The following ZNF638 variants were observed in gnomAD, a reference collection of about 807,000 sequenced individuals.
The protein encoded by ZNF638 is CTCL tumor antigen se33-1.
In ZNF638, 46 loss-of-function variants were observed where a neutral mutation model predicts 195.6. That is an observed-to-expected ratio of 0.24 (90% CI 0.19 to 0.30). The LOEUF (loss-of-function observed/expected upper bound fraction) is 0.30. Ranked by LOEUF, ZNF638 falls within the 10% of genes least tolerant of loss-of-function variation. The pLI is 1.00. For missense variants in ZNF638, 2,440 were observed against 2,325.3 expected, an observed-to-expected ratio of 1.05 and a Z score of -1.01; for synonymous variants, 845 against 772.0, an observed-to-expected ratio of 1.09 and a Z score of -1.57.
chr2:71,364,299 T>G (rs757996485), intron 5 of ZNF638, 47 bp downstream of exon 5: 1 of 1,527,884 alleles, frequency 6.5e-7, no homozygotes, highest in Admixed American at 2.1e-5. Flanking sequence ...TTTGACTAAA[T>G]TTTTAAATGT....
chr2:71,335,358 A>T (rs1401063911), intron 1 of ZNF638, among the ~76,000 whole-genome samples: 2 of 152,148 alleles, frequency 1.3e-5, no homozygotes. Context: ...CTTCATGGTT[A>T]CCCTAAGGAA....
chr2:71,373,086 A>C (rs1353621321), intron 8 of ZNF638, among the ~76,000 whole-genome samples: 1 of 152,208 alleles, frequency 6.6e-6, no homozygotes, highest in African/African-American at 2.4e-5. Context: ...AAGATTGCTC[A>C]CTAAATAACT....
intron 19 of ZNF638, 138 bp downstream of exon 19, chr2:71,406,400 A>G: frequency 1.3e-6 from 1 of 758,582 alleles, no homozygotes; most frequent in Non-Finnish European, 2.1e-6. Context: ...TATAAACCAG[A>G]ATATTTTATT....
intron 10 of ZNF638, chr2:71,395,569 A>T (rs1487551113): frequency 1.3e-5 from 8 of 597,910 alleles, no homozygotes; most frequent in Non-Finnish European, 2.4e-5. Context: ...ACCTTTGATC[A>T]TCCTATTGCG....
chr2:71,392,671 G>C (rs532061847), intron 10 of ZNF638, among the ~76,000 whole-genome samples: 4 of 152,178 alleles, frequency 2.6e-5, no homozygotes, highest in African/African-American at 9.6e-5. Flanking sequence ...GCTTGACCAA[G>C]CCACCCAGTC....
chr2:71,390,443 G>T (rs2079749153), intron 10 of ZNF638, among the ~76,000 whole-genome samples: 1 of 152,196 alleles, frequency 6.6e-6, no homozygotes, highest in Admixed American at 6.5e-5. Flanking sequence ...AGCCTATCCA[G>T]CAAAGGAATT....
intron 1 of ZNF638, among the ~76,000 whole-genome samples, chr2:71,345,975 A>C (rs1017649883): frequency 6.6e-6 from 1 of 152,222 alleles, no homozygotes; most frequent in Non-Finnish European, 1.5e-5. Context: ...TTAACCTTCT[A>C]TAAATGTGTA....
intron 3 of ZNF638, among the ~76,000 whole-genome samples, chr2:71,360,622 A>T: frequency 6.7e-6 from 1 of 149,566 alleles, no homozygotes; most frequent in South Asian, 2.1e-4. Flanking sequence ...TGTGGTGTTG[A>T]TTTTTTCCTT....
In ZNF638 at chr2:71,424,032, C is replaced by T; in HGVS notation, c.4518C>T (p.Asn1506=). The T allele has an allele frequency of 6.2e-7, 1 of 1,612,896 alleles. No individual in the cohort carries two copies. Among genetic ancestry groups the T allele is most frequent in the South Asian group, 1.1e-5 (1 of 90,934 alleles). Residue 1506 remains asparagine, a synonymous_variant, in exon 22 of 28, where the codon AAC becomes AAT. Transcript: ENST00000264447. ...RPSIMKRDDS[N]NKTLAEQNTK... ...CCATCATGAAACGGGATGACAGCAA[C>T]AATAAGGTGAGGAGGGTAGGAAGAA...
At chr2:71,369,088 A>G (rs2079258215) in intron 7 of ZNF638, among the ~76,000 whole-genome samples, 1 of 152,152 alleles carries the variant, frequency 6.6e-6, no homozygotes, top group African/African-American at 2.4e-5. Context: ...TAATCGCAGC[A>G]CTTTGGGAGG....
intron 1 of ZNF638, among the ~76,000 whole-genome samples, chr2:71,339,696 G>T (rs2078732275): frequency 2.0e-5 from 3 of 152,154 alleles, no homozygotes; most frequent in Admixed American, 6.5e-5. Flanking sequence ...CAGTTTCTCA[G>T]TAAAGCAGTA....
chr2:71,365,773 G>C lies in ZNF638; in HGVS notation c.1995+67G>C. ...ACTCTGTCATCCTCGCTGGACTGCA[G>C]TGGTGCAACAAGCATGGCTCACTGC... On this transcript the variant is annotated intron_variant, in intron 6 of 27. Transcript: ENST00000264447. 2.8e-6 allele frequency: 4 copies of C among 1,423,602 alleles called. No individual in the cohort carries two copies. The South Asian group carries it at 5.8e-5, about 21-fold the overall frequency. The allele number at this position is 1,423,602 out of a possible 1,614,324, so 88.2% of individuals were successfully genotyped here.
chr2:71,380,333 G>A (rs1479150674), intron 9 of ZNF638, 53 bp downstream of exon 9: 7 of 1,371,034 alleles, frequency 5.1e-6, no homozygotes, highest in Admixed American at 2.5e-5. Flanking sequence ...TATGACTTAA[G>A]AAATTTTAAT....
intron 3 of ZNF638, among the ~76,000 whole-genome samples, chr2:71,356,192 A>AACTTAAG (rs1234616004): frequency 2.6e-5 from 4 of 152,206 alleles, no homozygotes; most frequent in Non-Finnish European, 5.9e-5. Flanking sequence ...ACTTAGAACC[A>AACTTAAG]GTTTTCAGAA....
Position 71,421,308 on chromosome 2 carries a change from A to G in ZNF638, c.3300-1506A>G, listed in dbSNP as rs10427197. 5.6e-3 allele frequency among the ~76,000 whole-genome samples: 857 copies of G among 152,168 alleles called. 6 individuals are homozygous for G. The highest frequency in any genetic ancestry group is 0.02 in the African/African-American group (814 of 41,516). ...ACAAATTTTATTGTGAATTGTAAAG[A>G]TTTGAAACTCTTAAAATTAGCCATT... On this transcript the variant is annotated intron_variant, in intron 21 of 27. Coordinates refer to ENST00000264447, the MANE Select transcript of ZNF638 (RefSeq NM_014497.5).
At chr2:71,403,029 C>T (rs534722563) in intron 16 of ZNF638, among the ~76,000 whole-genome samples, 10 of 152,178 alleles carry the variant, frequency 6.6e-5, no homozygotes, top group African/African-American at 2.4e-4. Context: ...GCATTGTGTA[C>T]AGTGGTTGAA....
At chr2:71,394,914 CAA>C (rs374178518) in intron 10 of ZNF638, among the ~76,000 whole-genome samples, 94 of 152,238 alleles carry the variant, frequency 6.2e-4, no homozygotes, top group African/African-American at 2.2e-3. Context: ...AGGGGAGTGA[CAA>C]GATGCGCTGG....
At chr2:71,392,031 C>T (rs183273907) in intron 10 of ZNF638, among the ~76,000 whole-genome samples, 1 of 152,308 alleles carries the variant, frequency 6.6e-6, no homozygotes, top group East Asian at 1.9e-4. Flanking sequence ...TTGGCTATAT[C>T]CAGCTAGTTA....
chr2:71,351,981 T>C (rs541657337), intron 2 of ZNF638, among the ~76,000 whole-genome samples: 10 of 152,240 alleles, frequency 6.6e-5, no homozygotes, highest in Non-Finnish European at 1.3e-4. Context: ...TTTTAACTAT[T>C]GTATTTGTAA....
Sources: gnomAD v4.1 joint callset for allele counts (sites outside exome capture counted in the v4.1 genomes callset) on GRCh38, gnomAD v4.1.1 for gene constraint, MANE v1.5 for transcripts, NCBI Gene and HGNC (gene_info 2026-07-23, HGNC 2026-07-21) for gene names.